The following PTPRM variants were observed in gnomAD, a reference collection of about 807,000 sequenced individuals.
PTPRM encodes receptor-type tyrosine-protein phosphatase mu.
In PTPRM, 47 loss-of-function variants were observed where a neutral mutation model predicts 186.7. The ratio of observed to expected loss-of-function variants is 0.25; its 90% CI spans 0.20 to 0.32. The LOEUF is 0.32. Ranked by LOEUF, PTPRM falls within the 10% of genes least tolerant of loss-of-function variation. The probability of loss-of-function intolerance (pLI) is 1.00; values close to 1 mark genes in which losing one functional copy is unlikely to be tolerated. For missense variants in PTPRM, 1,494 were observed against 1,865.0 expected, an observed-to-expected ratio of 0.80 and a Z score of 3.66; for synonymous variants, 668 against 674.9, an observed-to-expected ratio of 0.99 and a Z score of 0.16.
chr18:8,405,941 A>G (rs2095903857), intron 32 of PTPRM, among the ~76,000 whole-genome samples, 168 bp from the exon 33 acceptor site: 1 of 152,202 alleles, frequency 6.6e-6, no homozygotes, highest in South Asian at 2.1e-4. Context: ...GAGCATCTCC[A>G]AACAGTGAAT....
chr18:7,653,742 T>C (rs1030098178), intron 1 of PTPRM, among the ~76,000 whole-genome samples: 1 of 152,190 alleles, frequency 6.6e-6, no homozygotes, highest in African/African-American at 2.4e-5. Flanking sequence ...GTTGATTCCA[T>C]GTCCTTGCTG....
intron 14 of PTPRM, among the ~76,000 whole-genome samples, chr18:8,213,314 A>G (rs12959440): frequency 0.28 from 42,440 of 152,122 alleles, 6,034 homozygotes; most frequent in Middle Eastern, 0.51. Flanking sequence ...GGTAATGTGC[A>G]ATCTCATAAA....
In PTPRM at chr18:8,047,329, T is replaced by TA. The variant is rs2087135071; in HGVS notation, c.1133-22352dup. On this transcript the variant is annotated intron_variant, in intron 7 of 32. Transcript: ENST00000580170. Reference sequence around the variant, plus strand: ...AAAATTTTTGTGGCAAATAAACAATTAAAAATGAAAGATATGCACATCAAA... The same window carrying TA: ...AAAATTTTTGTGGCAAATAAACAATTAAAAAATGAAAGATATGCACATCAAA... Among the ~76,000 whole-genome samples, 3 of 152,182 alleles carry TA rather than the reference T, an allele frequency of 2.0e-5. No individual in the cohort carries two copies. In the South Asian group the frequency reaches 6.2e-4, roughly 32 times the overall value.
intron 7 of PTPRM, among the ~76,000 whole-genome samples, chr18:7,972,487 A>AG (rs1357759103): frequency 1.4e-5 from 2 of 141,390 alleles, no homozygotes; most frequent in Non-Finnish European, 3.0e-5. Context: ...ATTAAAAAAA[A>AG]AAAAAAAGGA....
chr18:8,368,352 C>T (rs765153464), intron 23 of PTPRM, among the ~76,000 whole-genome samples: 1 of 151,930 alleles, frequency 6.6e-6, no homozygotes, highest in South Asian at 2.1e-4. Context: ...AATTGTAGGT[C>T]TCTCTTACTC....
intron 23 of PTPRM, among the ~76,000 whole-genome samples, chr18:8,344,792 T>C (rs1274361489): frequency 2.0e-5 from 3 of 151,888 alleles, no homozygotes; most frequent in East Asian, 1.9e-4. Flanking sequence ...TAAAGCCCAC[T>C]GAGGGCAGGA....
chr18:8,359,877 G>A (rs545604385), intron 23 of PTPRM, among the ~76,000 whole-genome samples: 59 of 152,240 alleles, frequency 3.9e-4, no homozygotes, highest in Non-Finnish European at 1.2e-4. Flanking sequence ...TTTGCGCACA[G>A]CAGGTATATC....
intron 8 of PTPRM, among the ~76,000 whole-genome samples, chr18:8,071,787 G>A (rs2089494752): frequency 6.6e-6 from 1 of 152,094 alleles, no homozygotes; most frequent in Admixed American, 6.5e-5. Context: ...TCACATTTCA[G>A]GTCCTTCACA....
chr18:7,634,532 A>G (rs2038267955), intron 1 of PTPRM, among the ~76,000 whole-genome samples: 1 of 152,192 alleles, frequency 6.6e-6, no homozygotes, highest in Non-Finnish European at 1.5e-5. Context: ...TCTATTCCTT[A>G]TCTTTAATGC....
chr18:8,159,779 A>T (rs2093193162), intron 14 of PTPRM, among the ~76,000 whole-genome samples: 1 of 152,190 alleles, frequency 6.6e-6, no homozygotes, highest in South Asian at 2.1e-4. Flanking sequence ...GAAGACATGG[A>T]GTATACCGTC....
chr18:8,251,252 G>A (rs1049270052), intron 17 of PTPRM, among the ~76,000 whole-genome samples: 1 of 152,186 alleles, frequency 6.6e-6, no homozygotes, highest in Non-Finnish European at 1.5e-5. Flanking sequence ...AAGTTTAGAA[G>A]GTCAGCCCAC....
chr18:8,365,440 A>G (rs995823305), intron 23 of PTPRM, among the ~76,000 whole-genome samples: 4 of 152,248 alleles, frequency 2.6e-5, no homozygotes, highest in African/African-American at 9.6e-5. Flanking sequence ...CAGTGTGTCC[A>G]GTTCAAAGTA....
intron 1 of PTPRM, among the ~76,000 whole-genome samples, chr18:7,734,388 G>T (rs1285977947): frequency 6.6e-6 from 1 of 152,118 alleles, no homozygotes; most frequent in Non-Finnish European, 1.5e-5. Context: ...TTTGATTTTG[G>T]CTTATCTAAT....
intron 31 of PTPRM, among the ~76,000 whole-genome samples, chr18:8,394,229 G>A (rs1040056508): frequency 2.0e-5 from 3 of 152,212 alleles, no homozygotes; most frequent in South Asian, 2.1e-4. Context: ...TGCTGTATCA[G>A]AGAATGTGAC....
chr18:8,023,841 C>T (rs2085380123), intron 7 of PTPRM, among the ~76,000 whole-genome samples: 1 of 123,822 alleles, frequency 8.1e-6, no homozygotes, highest in South Asian at 3.0e-4. Flanking sequence ...GACACACACA[C>T]ACACACACAC....
chr18:8,080,292 A>G (rs1050350750), intron 9 of PTPRM, among the ~76,000 whole-genome samples: 1 of 152,198 alleles, frequency 6.6e-6, no homozygotes, highest in Admixed American at 6.6e-5. Flanking sequence ...TTTTCATTGT[A>G]TCCTACTAAC....
chr18:8,036,937 T>A (rs2086370133), intron 7 of PTPRM, among the ~76,000 whole-genome samples: 1 of 152,212 alleles, frequency 6.6e-6, no homozygotes, highest in Admixed American at 6.5e-5. Context: ...TGCTGTTTAC[T>A]GGGTGTTTAT....
chr18:7,751,139 A>T (rs551067799), intron 1 of PTPRM: 1 of 152,128 alleles, frequency 6.6e-6, no homozygotes, highest in Non-Finnish European at 1.5e-5. Flanking sequence ...TTCAAGGTCA[A>T]TGTCACTTTG....
chr18:8,216,115 A>T (rs1448203307), intron 14 of PTPRM, among the ~76,000 whole-genome samples: 1 of 151,934 alleles, frequency 6.6e-6, no homozygotes, highest in African/African-American at 2.4e-5. Context: ...TATTTCTTTA[A>T]TTTTTTTTAT....
Sources: allele counts gnomAD v4.1 joint callset (sites outside exome capture counted in the v4.1 genomes callset), GRCh38; gene constraint gnomAD v4.1.1; transcripts MANE v1.5; gene names NCBI Gene and HGNC (gene_info 2026-07-23, HGNC 2026-07-21).